Variants in FOXN3 observed in about 807,000 individuals in gnomAD.
The protein encoded by FOXN3 is forkhead box N3, also known as forkhead box protein N3.
A neutral mutation model predicts 38.4 loss-of-function variants in FOXN3; 7 were observed. That is an observed-to-expected ratio of 0.18 (90% confidence interval 0.10 to 0.34). The LOEUF (loss-of-function observed/expected upper bound fraction) is 0.34, where lower values mean the gene tolerates loss of function less well. Ranked by LOEUF, FOXN3 falls within the 10% of genes least tolerant of loss-of-function variation. FOXN3 has a pLI of 1.00. For synonymous variants in FOXN3, 230 were observed against 242.2 expected, an observed-to-expected ratio of 0.95 and a Z score of 0.47; for missense variants, 456 against 613.4, an observed-to-expected ratio of 0.74 and a Z score of 2.71.
chr14:89,319,394 A>C (rs1437726051), intron 3 of FOXN3, among the ~76,000 whole-genome samples: 1 of 152,158 alleles, frequency 6.6e-6, no homozygotes, highest in Non-Finnish European at 1.5e-5. Context: ...CACAGAATGC[A>C]CTTGCTTCCC....
chr14:89,373,085 A>G (rs2401820), intron 2 of FOXN3, among the ~76,000 whole-genome samples: 151,423 of 152,250 alleles, frequency 0.99, 75,308 homozygotes, highest in Middle Eastern at 1. Flanking sequence ...ATGATCACTC[A>G]AGCCCAAGAA....
intron 3 of FOXN3, among the ~76,000 whole-genome samples, chr14:89,300,306 C>A (rs1887178458): frequency 6.6e-6 from 1 of 151,784 alleles, no homozygotes; most frequent in Non-Finnish European, 1.5e-5. Context: ...CCTCAGCCTC[C>A]CAAGTAGTTG....
intron 3 of FOXN3, among the ~76,000 whole-genome samples, chr14:89,304,030 T>A (rs921953975): frequency 6.6e-6 from 1 of 152,212 alleles, no homozygotes; most frequent in African/African-American, 2.4e-5. Context: ...TGTTGATAGT[T>A]GAAGGCAGCC....
At chr14:89,452,218 C>A (rs1442670440) in intron 1 of FOXN3, among the ~76,000 whole-genome samples, 1 of 152,118 alleles carries the variant, frequency 6.6e-6, no homozygotes, top group African/African-American at 2.4e-5. Context: ...AAGGACCAGA[C>A]TCTAAGAACA....
At chr14:89,417,400 C>T (rs1006654175), upstream of FOXN3, 5 of 147,644 alleles carry the variant, frequency 3.4e-5, no homozygotes, top group African/African-American at 4.9e-5. Context: ...CCCTCGCGCG[C>T]CCCAGCACTC....
intron 2 of FOXN3, among the ~76,000 whole-genome samples, chr14:89,382,774 G>A (rs985340078): frequency 2.6e-5 from 4 of 152,166 alleles, no homozygotes; most frequent in Admixed American, 6.5e-5. Context: ...ATATGAAACC[G>A]CTTGGCAAAG....
intron 4 of FOXN3, among the ~76,000 whole-genome samples, chr14:89,268,350 C>T (rs1886046309): frequency 6.6e-6 from 1 of 152,214 alleles, no homozygotes. Context: ...TCTCAAGGGA[C>T]AGTCAAACCA....
At chr14:89,591,912 G>GA (rs1422745105) in intron 1 of FOXN3, among the ~76,000 whole-genome samples, 2 of 151,592 alleles carry the variant, frequency 1.3e-5, no homozygotes, top group Non-Finnish European at 2.9e-5. Flanking sequence ...GTGACAGAGA[G>GA]AAAAAAACAT....
intron 1 of FOXN3, among the ~76,000 whole-genome samples, chr14:89,563,440 T>A (rs769250834): frequency 3.0e-4 from 46 of 152,222 alleles, no homozygotes; most frequent in Admixed American, 5.2e-4. Context: ...ACAGGTCTTG[T>A]GGCTGCTAAT....
At chr14:89,180,289 T>G (rs1364445879) in intron 5 of FOXN3, among the ~76,000 whole-genome samples, 2 of 152,140 alleles carry the variant, frequency 1.3e-5, no homozygotes, top group Admixed American at 1.3e-4. Flanking sequence ...CCGCAACCCC[T>G]GGTAGGAGGC....
At chr14:89,580,385 A>T (rs1232533059) in intron 1 of FOXN3, among the ~76,000 whole-genome samples, 1 of 152,222 alleles carries the variant, frequency 6.6e-6, no homozygotes, top group African/African-American at 2.4e-5. Flanking sequence ...TCTGTGCTCG[A>T]AGGAAACCAC....
intron 2 of FOXN3, among the ~76,000 whole-genome samples, chr14:89,405,584 G>A (rs1392252544): frequency 6.6e-6 from 1 of 152,192 alleles, no homozygotes; most frequent in African/African-American, 2.4e-5. Context: ...CACTGAAGGG[G>A]TCCTATGAGG....
At chr14:89,514,257 T>C (rs1363646205) in intron 1 of FOXN3, among the ~76,000 whole-genome samples, 1 of 152,118 alleles carries the variant, frequency 6.6e-6, no homozygotes, top group African/African-American at 2.4e-5. Flanking sequence ...AATGGAACAA[T>C]CTTCTTGCCC....
intron 4 of FOXN3, among the ~76,000 whole-genome samples, chr14:89,219,377 C>G (rs1056482794): frequency 1.3e-5 from 2 of 152,168 alleles, no homozygotes; most frequent in Non-Finnish European, 2.9e-5. Flanking sequence ...AACCTCTTTA[C>G]TTTATAAATT....
intron 2 of FOXN3, among the ~76,000 whole-genome samples, chr14:89,357,042 A>G (rs1889258189): frequency 1.3e-5 from 2 of 152,122 alleles, no homozygotes; most frequent in Non-Finnish European, 1.5e-5. Context: ...GAGACGGAGA[A>G]AGGAGGACAG....
chr14:89,208,897 A>G (rs1166737802), intron 4 of FOXN3, among the ~76,000 whole-genome samples: 1 of 152,208 alleles, frequency 6.6e-6, no homozygotes, highest in Non-Finnish European at 1.5e-5. Context: ...CTTAAACATC[A>G]AAGAAGCTAC....
intron 1 of FOXN3, among the ~76,000 whole-genome samples, chr14:89,483,205 T>C (rs1287400): frequency 0.76 from 114,772 of 151,850 alleles, 43,686 homozygotes; most frequent in Non-Finnish European, 0.81. Flanking sequence ...GGACTCTGTC[T>C]CAAAAAAGAA....
intron 4 of FOXN3, among the ~76,000 whole-genome samples, chr14:89,275,655 G>A (rs139229628): frequency 5.4e-4 from 83 of 152,318 alleles, no homozygotes; most frequent in Middle Eastern, 3.4e-3. Flanking sequence ...TATGGGAGGG[G>A]TAAGAGTTGT....
At chr14:89,316,324 T>C (rs891901620) in intron 3 of FOXN3, among the ~76,000 whole-genome samples, 3 of 151,946 alleles carry the variant, frequency 2.0e-5, no homozygotes, top group Non-Finnish European at 4.4e-5. Context: ...GGAATAGAGA[T>C]GAGCCATTCA....
Sources: gnomAD v4.1 joint callset for allele counts (sites outside exome capture counted in the v4.1 genomes callset) on GRCh38, gnomAD v4.1.1 for gene constraint, MANE v1.5 for transcripts, NCBI Gene and HGNC (gene_info 2026-07-23, HGNC 2026-07-21) for gene names.